FAT2: variants seen among roughly 807,000 people sequenced by gnomAD.
FAT2 encodes FAT atypical cadherin 2, also known as protocadherin Fat 2.
A neutral mutation model predicts 295.3 loss-of-function variants in FAT2; 150 were observed. That is an observed-to-expected ratio of 0.51 (90% CI 0.44 to 0.58). The LOEUF is 0.58. FAT2 is among the 20% of genes least tolerant of loss of function. FAT2 has a pLI of 0.00. For missense variants in FAT2, 4,868 were observed against 5,442.7 expected, an observed-to-expected ratio of 0.89 and a Z score of 3.32; for synonymous variants, 2,026 against 2,150.3, an observed-to-expected ratio of 0.94 and a Z score of 1.60.
chr5:151,593,918 G>C (rs1003760381), upstream of FAT2, among the ~76,000 whole-genome samples: 3 of 152,172 alleles, frequency 2.0e-5, no homozygotes, highest in East Asian at 5.8e-4. Context: ...CAGGAGAATC[G>C]CTTGAACCCG....
Position 151,566,589 on chromosome 5 carries a change from T to G in FAT2, c.2343A>C (p.Glu781Asp). 2 of 1,614,172 alleles carry G rather than the reference T, an allele frequency of 1.2e-6. No individual in the cohort carries two copies. Among genetic ancestry groups the G allele is most frequent in the Non-Finnish European group, 1.7e-6 (2 of 1,180,026 alleles). The part of the protein sequence containing the change: ...LLTVAAPLDY[E>D]ATNFYILNVT... ...CATTGAGGATGTAGAAATTGGTGGCTTCATAGTCCAAGGGAGCAGCTACAG... is the reference window on the plus strand; with the variant it reads ...CATTGAGGATGTAGAAATTGGTGGCGTCATAGTCCAAGGGAGCAGCTACAG... Residue 781 changes from glutamate (E) to aspartate (D), a missense_variant, in exon 2 of 24, where the codon GAA (glutamate) becomes GAC (aspartate). Transcript: ENST00000261800.
At chr5:151,514,801 A>G (rs1482802251) in intron 20 of FAT2, among the ~76,000 whole-genome samples, 2 of 151,996 alleles carry the variant, frequency 1.3e-5, no homozygotes, top group African/African-American at 4.8e-5. Flanking sequence ...GCTAAAGCCA[A>G]TCTCTCCATT....
At chr5:151,535,819 T>C (rs1755213159) in intron 12 of FAT2, among the ~76,000 whole-genome samples, 1 of 152,098 alleles carries the variant, frequency 6.6e-6, no homozygotes, top group Non-Finnish European at 1.5e-5. Flanking sequence ...GGAATTGAAT[T>C]AGAGGACACC....
Position 151,546,010 on chromosome 5 carries a change from T to G in FAT2, c.5117A>C (p.Asn1706Thr). 6.2e-7 allele frequency: 1 copy of G among 1,613,836 alleles called. No individual in the cohort carries two copies. ...EGNKDGVFSM[N>T]SYSGLISTQK... ...GGTGGAAATAAGGCCAGAATATGAGTTCATAGAGAAGACTCCATCCTTATT... is the reference window on the plus strand; with the variant it reads ...GGTGGAAATAAGGCCAGAATATGAGGTCATAGAGAAGACTCCATCCTTATT... Residue 1706 changes from asparagine to threonine, a missense_variant, in exon 10 of 24, where the codon AAC becomes ACC. Asn to Thr is a moderately conservative substitution (Grantham distance 65). Transcript: ENST00000261800.
chr5:151,519,988 T>G (rs1369010280), intron 19 of FAT2, among the ~76,000 whole-genome samples: 1 of 152,250 alleles, frequency 6.6e-6, no homozygotes, highest in African/African-American at 2.4e-5. Context: ...CCCTGCTGTC[T>G]GATGCCAGGT....
In FAT2 at chr5:151,504,848, ACT is replaced by A. The variant is rs936497483; in HGVS notation, c.*715_*716del. ...GCCCTGACTGGCAGCCAGTGGTGTG[ACT>A]CTGAGGTGGGCCCGTTCCTCTGCGT... On this transcript the variant is annotated 3_prime_UTR_variant, in exon 24 of 24. Transcript: ENST00000261800. 1.3e-5 allele frequency: 2 copies of A among 152,450 alleles called. No individual in the cohort carries two copies. The highest frequency in any genetic ancestry group is 4.8e-5 in the African/African-American group (2 of 41,356). The allele number at this position is 152,450 out of a possible 1,614,324, so 9.4% of individuals were successfully genotyped here.
intron 1 of FAT2, among the ~76,000 whole-genome samples, chr5:151,583,151 G>A (rs1561888295): frequency 1.3e-5 from 2 of 152,082 alleles, no homozygotes; most frequent in South Asian, 4.1e-4. Context: ...GAAAATAAGA[G>A]AGTTCCATTC....
rs779195051 is a variant in FAT2 at position 151,568,587 on chromosome 5, G to A, written c.345C>T (p.Tyr115=). Residue 115 remains tyrosine, a synonymous_variant, in exon 2 of 24, where the codon TAC becomes TAT. Transcript: ENST00000261800. The part of the protein sequence containing the change: ...ALLNREVRDS[Y]TLIIQATEKT... ...TCTCTGTGGCTTGGATGATGAGGGT[G>A]TAGCTGTCTCGCACCTCTCTGTTCA... 1 of 1,614,046 alleles carries A rather than the reference G, an allele frequency of 6.2e-7. No individual in the cohort carries two copies.
In FAT2 at chr5:151,543,050, C is replaced by G. The variant is rs1244487574; in HGVS notation, c.8077G>C (p.Glu2693Gln). The change falls in exon 10 of 24, where the codon GAA becomes CAA. Residue 2693 changes from glutamate to glutamine, a missense_variant. Glu to Gln is a conservative substitution (Grantham distance 29, BLOSUM62 2). Around this residue, in one of 5 missense-constraint regions of FAT2, gnomAD observed 3,297 missense variants for 3,669.4 expected, o/e 0.90. Coordinates refer to ENST00000261800, the MANE Select transcript of FAT2 (RefSeq NM_001447.3). ...GGTGCAGAGAAAGTATACAAAGGTT[C>G]AGAAAATTTCGGTAAGGATACTTTT... ...PKKVSLPKFS[E>Q]PLYTFSAPED... The G allele has an allele frequency of 6.2e-7, 1 of 1,614,160 alleles. No individual in the cohort carries two copies. Among genetic ancestry groups the G allele is most frequent in the Admixed American group, 1.7e-5 (1 of 60,020 alleles).
In FAT2 at chr5:151,556,352, T is replaced by C. The variant is rs779135820; in HGVS notation, c.3625A>G (p.Ile1209Val). The C allele has an allele frequency of 3.1e-6, 5 of 1,613,760 alleles. No homozygotes were observed. In the South Asian group the frequency reaches 5.5e-5, roughly 18 times the overall value. The change falls in exon 4 of 24, where the codon ATC (isoleucine) becomes GTC (valine). Residue 1209 changes from isoleucine to valine, a missense_variant. This residue lies in a region of FAT2 where 3,297 missense variants were observed against 3,669.4 expected (regional missense o/e 0.90). Coordinates refer to ENST00000261800, the MANE Select transcript of FAT2 (RefSeq NM_001447.3). Reference sequence around the variant, plus strand: ...TCACCACCATTACTTACCTCCAGGATGTGTTCATCCTTGTTCTCTCTGTCC... The same window carrying C: ...TCACCACCATTACTTACCTCCAGGACGTGTTCATCCTTGTTCTCTCTGTCC... The part of the protein sequence containing the change: ...QLDRENKDEH[I>V]LEVTVLDNGE...
At chr5:151,558,241 T>C (rs1561867801) in intron 3 of FAT2, among the ~76,000 whole-genome samples, 2 of 152,170 alleles carry the variant, frequency 1.3e-5, no homozygotes, top group African/African-American at 2.4e-5. Context: ...ACATTTTACA[T>C]AAAAAGGAAT....
intron 14 of FAT2, among the ~76,000 whole-genome samples, chr5:151,530,775 C>T (rs942057743): frequency 6.6e-6 from 1 of 152,086 alleles, no homozygotes; most frequent in Admixed American, 6.6e-5. Flanking sequence ...ACAGTGTCTG[C>T]GGTTGGATGG....
At chr5:151,548,584 G>A (rs908304061) in intron 9 of FAT2, among the ~76,000 whole-genome samples, 4 of 152,038 alleles carry the variant, frequency 2.6e-5, no homozygotes, top group African/African-American at 7.2e-5. Context: ...AGGTTCAAGC[G>A]ATTCTCCTCC....
intron 3 of FAT2, among the ~76,000 whole-genome samples, chr5:151,560,451 T>A (rs1173314043): frequency 6.6e-6 from 1 of 152,136 alleles, no homozygotes; most frequent in Admixed American, 6.5e-5. Flanking sequence ...ATCAGGGTCT[T>A]CCTCCCTCTC....
chr5:151,573,609 G>A (rs141403922), intron 1 of FAT2, among the ~76,000 whole-genome samples: 128 of 152,290 alleles, frequency 8.4e-4, no homozygotes, highest in African/African-American at 2.9e-3. Flanking sequence ...AGCCGAGATC[G>A]CGCCACTGCA....
chr5:151,505,886 G>C lies in FAT2; in HGVS notation c.12729C>G (p.Tyr4243Ter). 1 of 1,604,172 alleles carries C rather than the reference G, an allele frequency of 6.2e-7. No individual in the cohort carries two copies. Among genetic ancestry groups the C allele is most frequent in the African/African-American group, 1.3e-5 (1 of 74,330 alleles). ...ENKRAPLPPR[Y>*]SNQNLEDLMP... ...TCAGATCTTCCAGGTTCTGGTTGCT[G>C]TAACGGGGTGGGAGAGGTGCCCGCT... Residue 4243 changes from tyrosine to a stop codon, truncating the protein, a stop_gained, in exon 24 of 24, where the codon TAC (tyrosine) becomes TAG (stop). Transcript: ENST00000261800. LOFTEE classifies it high-confidence loss of function.
Position 151,549,451 on chromosome 5 carries a change from C to A in FAT2, c.4633G>T (p.Val1545Leu). ...KRNFVWVTIHVEDGNLHPPRF... is the reference protein window; with the variant it reads ...KRNFVWVTIHLEDGNLHPPRF... The stretch of plus-strand genomic sequence containing the variant: ...GGTGGGTGGAGGTTTCCATCCTCCA[C>A]ATGAATGGTCACCCACACGAAGTTC... Residue 1545 changes from valine to leucine, a missense_variant, in exon 9 of 24, where the codon GTG becomes TTG. Transcript: ENST00000261800. The A allele has an allele frequency of 6.2e-7, 1 of 1,614,172 alleles. No individual in the cohort carries two copies.
At position 151,507,456 on chromosome 5, in the gene FAT2, C is replaced by T. The variant is rs374289322; in HGVS notation, c.12215G>A (p.Arg4072His). The T allele has an allele frequency of 9.9e-6, 16 of 1,614,128 alleles. No homozygotes were observed. Among genetic ancestry groups the T allele is most frequent in the South Asian group, 9.9e-5 (9 of 91,080 alleles). ...STVGLLFYCR[R>H]CKSHKPVAME... Reference sequence around the variant, plus strand: ...GGCCACAGGCTTGTGAGACTTGCAACGGCGGCAGTAGAAGAGAAGCCCGAC... The same window carrying T: ...GGCCACAGGCTTGTGAGACTTGCAATGGCGGCAGTAGAAGAGAAGCCCGAC... Residue 4072 changes from arginine (R) to histidine (H), a missense_variant, in exon 23 of 24, where the codon CGT (arginine) becomes CAT (histidine). By Grantham distance (29) the Arg-to-His change is conservative. Transcript: ENST00000261800.
rs780802388 is a variant in FAT2 at position 151,568,477 on chromosome 5, G to A, written c.455C>T (p.Ser152Leu). 69 of 1,614,034 alleles carry A rather than the reference G, an allele frequency of 4.3e-5. No individual in the cohort carries two copies. Among genetic ancestry groups the A allele is most frequent in the African/African-American group, 5.3e-5 (4 of 74,906 alleles). Reference protein sequence around the residue: ...NDLKPLFSPPSYRVTISEDMP... With the variant: ...NDLKPLFSPPLYRVTISEDMP... Reference sequence around the variant, plus strand: ...GTCCTCAGAGATGGTGACTCTGTACGAAGGTGGAGAGAAGAGAGGCTTCAG... The same window carrying A: ...GTCCTCAGAGATGGTGACTCTGTACAAAGGTGGAGAGAAGAGAGGCTTCAG... The change falls in exon 2 of 24, where the codon TCG (serine) becomes TTG (leucine). Residue 152 changes from serine to leucine, a missense_variant. Ser to Leu is a moderately radical substitution (Grantham distance 145). Coordinates refer to ENST00000261800, the MANE Select transcript of FAT2 (RefSeq NM_001447.3).
Sources: gnomAD v4.1 joint callset for allele counts (sites outside exome capture counted in the v4.1 genomes callset) on GRCh38, gnomAD v4.1.1 for gene constraint, gnomAD v4.1.1 regional missense constraint, MANE v1.5 for transcripts, NCBI Gene and HGNC (gene_info 2026-07-23, HGNC 2026-07-21) for gene names.